The following PEX6 variants were observed in gnomAD, a reference collection of about 807,000 sequenced individuals.
The protein encoded by PEX6 is peroxisomal biogenesis factor 6.
Under a neutral mutation model 85.6 loss-of-function variants are expected in PEX6, and 55 were observed. The ratio of observed to expected loss-of-function variants is 0.64; its 90% CI spans 0.52 to 0.80. The LOEUF is 0.80. PEX6 is among the 30% of genes least tolerant of loss of function. The pLI is 0.00. For synonymous variants in PEX6, 519 were observed against 549.1 expected (o/e 0.95, Z 0.77); for missense variants, 1,099 against 1,260.3 (o/e 0.87, Z 1.94).
At position 42,969,840 on chromosome 6, in the gene PEX6, G is replaced by A. The variant is rs368551544; in HGVS notation, c.1234-39C>T. The A allele has an allele frequency of 2.7e-5, 43 of 1,614,022 alleles. No individual in the cohort carries two copies. The African/African-American group carries it at 3.5e-4, about 13-fold the overall frequency. On this transcript the variant is annotated intron_variant, in intron 4 of 16. Coordinates refer to ENST00000304611, the MANE Select transcript of PEX6 (RefSeq NM_000287.4). ...TAAAAAGCTTTCGTTTCTAAAAATC[G>A]TTTCTACCCCCTGCGCTGGTCTACA... is the stretch of plus-strand genomic sequence containing the variant.
Position 42,964,327 on chromosome 6 carries a change from G to C in PEX6, c.*8C>G. 1 of 1,613,460 alleles carries C rather than the reference G, an allele frequency of 6.2e-7. No homozygotes were observed. Among genetic ancestry groups the C allele is most frequent in the Non-Finnish European group, 8.5e-7 (1 of 1,179,920 alleles). On this transcript the variant is annotated 3_prime_UTR_variant, in exon 17 of 17. Transcript: ENST00000304611. The surrounding 1 kb of genome is among the most constrained non-coding windows in gnomAD (Gnocchi z 4.6). ...ATGCTGAGCGGGGTCCCAGACCCTG[G>C]GGGGCTCCTAGCAGGCAGCAAACTT...
At chr6:42,970,400 T>C (rs1447184533) in intron 3 of PEX6, among the ~76,000 whole-genome samples, 1 of 152,252 alleles carries the variant, frequency 6.6e-6, no homozygotes, top group Non-Finnish European at 1.5e-5. Flanking sequence ...TCTTACTCAA[T>C]AATCCACAAA....
Position 42,971,655 on chromosome 6 carries a change from C to T in PEX6, c.1131-1668G>A, listed in dbSNP as rs539736155. On this transcript the variant is annotated intron_variant, in intron 3 of 16. Transcript: ENST00000304611. The surrounding 1 kb of genome is among the most constrained non-coding windows in gnomAD (Gnocchi z 4.4). ...TTCTCAAGCCCAGTGCAGCTTAAAA[C>T]GCTCATCTGTATCTGTCCTTGGACC... is the stretch of plus-strand genomic sequence containing the variant. 3.9e-5 allele frequency among the ~76,000 whole-genome samples: 6 copies of T among 152,242 alleles called. No individual in the cohort carries two copies. Among genetic ancestry groups the T allele is most frequent in the Admixed American group, 1.3e-4 (2 of 15,280 alleles).
chr6:42,966,152 A>T, intron 11 of PEX6, 47 bp from the exon 12 acceptor site: 1 of 1,610,144 alleles, frequency 6.2e-7, no homozygotes. Context: ...ATGCACATAC[A>T]CACAATTGAC....
intron 1 of PEX6, among the ~76,000 whole-genome samples, chr6:42,977,783 A>AG (rs1770362116): frequency 6.7e-6 from 1 of 148,914 alleles, no homozygotes; most frequent in African/African-American, 2.5e-5. Flanking sequence ...AAAAAAAAAA[A>AG]AAAAAAAAAA....
intron 8 of PEX6, 148 bp from the exon 9 acceptor site, chr6:42,967,006 CTT>C (rs1769844692): frequency 3.2e-6 from 2 of 631,436 alleles, no homozygotes; most frequent in African/African-American, 4.8e-5. Context: ...GAGTTTTGCT[CTT>C]GTTGCTCAGG....
At position 42,978,830 on chromosome 6, in the gene PEX6, C is replaced by T; in HGVS notation, c.321G>A (p.Leu107=). The change falls in exon 1 of 17, where the codon CTG becomes CTA. Residue 107 remains leucine (L), a synonymous_variant. Transcript: ENST00000304611. ...GCCCAGGCCCCAGCGAGGTGCCAAG[C>T]AGTGCCCAACCTAGCGCCGGGGGCC... ...VRRPPALGWA[L]LGTSLGPGLG... The T allele has an allele frequency of 6.5e-7, 1 of 1,532,176 alleles. No homozygotes were observed. Among genetic ancestry groups the T allele is most frequent in the Non-Finnish European group, 8.7e-7 (1 of 1,145,714 alleles). The allele number at this position is 1,532,176 out of a possible 1,614,324, so 94.9% of individuals were successfully genotyped here.
intron 6 of PEX6, among the ~76,000 whole-genome samples, 169 bp downstream of exon 6, chr6:42,968,705 G>C (rs1769939161): frequency 1.3e-5 from 2 of 152,170 alleles, no homozygotes; most frequent in Admixed American, 6.5e-5. Context: ...CCTCCTCCTT[G>C]AAAGTACCTC....
chr6:42,974,161 C>A (rs960945475), intron 2 of PEX6, 75 bp from the exon 3 acceptor site: 6 of 1,105,702 alleles, frequency 5.4e-6, no homozygotes, highest in Non-Finnish European at 8.3e-6. Context: ...ATGTCCACCC[C>A]CGACATGCAG....
At position 42,964,384 on chromosome 6, in the gene PEX6, T is replaced by C; in HGVS notation, c.2894A>G (p.Gln965Arg). The C allele has an allele frequency of 6.2e-7, 1 of 1,613,876 alleles. No individual in the cohort carries two copies. Among genetic ancestry groups the C allele is most frequent in the Non-Finnish European group, 8.5e-7 (1 of 1,180,026 alleles). The change falls in exon 17 of 17, where the codon CAG becomes CGG. Residue 965 changes from glutamine to arginine, a missense_variant. Gln to Arg is a conservative substitution (Grantham distance 43). Transcript: ENST00000304611. The surrounding 1 kb of genome is among the most constrained non-coding windows in gnomAD (Gnocchi z 4.6). ...GATGCGCTTGTACCGGAGCAGCTCCTGCTCACTGACTGAGGGTTGCAGCCG... is the reference window on the plus strand; with the variant it reads ...GATGCGCTTGTACCGGAGCAGCTCCCGCTCACTGACTGAGGGTTGCAGCCG... Reference protein sequence around the residue: ...AARLQPSVSEQELLRYKRIQR... With the variant: ...AARLQPSVSERELLRYKRIQR...
intron 1 of PEX6, among the ~76,000 whole-genome samples, chr6:42,976,964 T>C (rs1250909436): frequency 6.6e-6 from 1 of 152,046 alleles, no homozygotes; most frequent in African/African-American, 2.4e-5. Flanking sequence ...ATAAATGCCA[T>C]AAAAAAGATA....
rs544245467 is a variant in PEX6 at position 42,976,708 on chromosome 6, T to C, written c.882+1561A>G. 3.9e-5 allele frequency among the ~76,000 whole-genome samples: 6 copies of C among 152,238 alleles called. No homozygotes were observed. In the South Asian group the frequency reaches 1.0e-3, roughly 26 times the overall value. On this transcript the variant is annotated intron_variant, in intron 1 of 16. Coordinates refer to ENST00000304611, the MANE Select transcript of PEX6 (RefSeq NM_000287.4). ...AAGGTTTATTTTTTTGTCACTCTTA[T>C]GTCTGTTATGGCGAACTGGTGAGTC...
Position 42,965,979 on chromosome 6 carries a change from G to C in PEX6, c.2362+65C>G. On this transcript the variant is annotated intron_variant, in intron 12 of 16. Coordinates refer to ENST00000304611, the MANE Select transcript of PEX6 (RefSeq NM_000287.4). The surrounding 1 kb of genome is among the most constrained non-coding windows in gnomAD (Gnocchi z 5.0). ...TGATCATGAGTAGCCTGGGAGTAGG[G>C]GGTGGCTTGGGGGCCATCGGGGTTT... The C allele has an allele frequency of 6.5e-7, 1 of 1,533,096 alleles. No homozygotes were observed. The highest frequency in any genetic ancestry group is 9.0e-7 in the Non-Finnish European group (1 of 1,107,894). The allele number at this position is 1,533,096 out of a possible 1,614,324, so 95.0% of individuals were successfully genotyped here. A position where few individuals can be genotyped will look rare whatever the true frequency, so the allele number is the denominator to read the frequency against.
In PEX6 at chr6:42,979,071, C is replaced by G. The variant is rs983060034; in HGVS notation, c.80G>C (p.Gly27Ala). ...PPLAVLLPPG[G>A]PWPAAELGLV... The stretch of plus-strand genomic sequence containing the variant: ...GCCCAGCTCCGCCGCCGGCCACGGG[C>G]CCCCGGGTGGCAGCAGCACTGCCAA... Residue 27 changes from glycine to alanine, a missense_variant, in exon 1 of 17, where the codon GGC becomes GCC. Around this residue, in one of 3 missense-constraint regions of PEX6, gnomAD observed 579 missense variants for 611.6 expected, o/e 0.95. Coordinates refer to ENST00000304611, the MANE Select transcript of PEX6 (RefSeq NM_000287.4). 6.5e-7 allele frequency: 1 copy of G among 1,540,228 alleles called. No individual in the cohort carries two copies. The highest frequency in any genetic ancestry group is 8.7e-7 in the Non-Finnish European group (1 of 1,150,594).
chr6:42,973,726 C>A (rs945224161), intron 3 of PEX6, among the ~76,000 whole-genome samples: 1 of 152,040 alleles, frequency 6.6e-6, no homozygotes, highest in Non-Finnish European at 1.5e-5. Context: ...CGTGGTGATG[C>A]GAACCTGTAG....
In PEX6 at chr6:42,964,535, G is replaced by A; in HGVS notation, c.2807-64C>T. On this transcript the variant is annotated intron_variant, in intron 16 of 16. Transcript: ENST00000304611. The surrounding 1 kb of genome is among the most constrained non-coding windows in gnomAD (Gnocchi z 4.6). ...AGGCAGGGGAGAGCCCTGCGAAGGT[G>A]GCTTCCTGCTCAGGGTCTCCTAGAT... 3 of 1,588,272 alleles carry A rather than the reference G, an allele frequency of 1.9e-6. No homozygotes were observed. Among genetic ancestry groups the A allele is most frequent in the Non-Finnish European group, 1.7e-6 (2 of 1,159,222 alleles).
Position 42,966,367 on chromosome 6 carries a change from C to T in PEX6, c.2175G>A (p.Leu725=). ...CCAGGCTCAGTAGCTCAGGGTGCTC[C>T]AGGGGGAGCTGAATGGTCTCCAGGA... is the stretch of plus-strand genomic sequence containing the variant. ...KEILETIQLP[L]EHPELLSLGL... is the part of the protein sequence containing the mutation. The change falls in exon 11 of 17, where the codon CTG becomes CTA. Residue 725 remains leucine, a synonymous_variant. Transcript: ENST00000304611. The T allele has an allele frequency of 6.2e-7, 1 of 1,614,046 alleles. No individual in the cohort carries two copies. The highest frequency in any genetic ancestry group is 1.3e-5 in the African/African-American group (1 of 75,038).
chr6:42,973,554 C>CA, intron 3 of PEX6, among the ~76,000 whole-genome samples: 2 of 151,988 alleles, frequency 1.3e-5, no homozygotes, highest in South Asian at 2.1e-4. Flanking sequence ...ATTTTCTCTC[C>CA]AAAAAAATGT....
In PEX6 at chr6:42,967,442, T is replaced by C. The variant is rs370855809; in HGVS notation, c.1810A>G (p.Ile604Val). Residue 604 changes from isoleucine (I) to valine (V), a missense_variant, in exon 8 of 17, where the codon ATC becomes GTC. Around this residue, in one of 3 missense-constraint regions of PEX6, gnomAD observed 514 missense variants for 627.0 expected, o/e 0.82. Coordinates refer to ENST00000304611, the MANE Select transcript of PEX6 (RefSeq NM_000287.4). ...PALSEGQRLS[I>V]LRALTAHLPL... ...AGGTGGGCAGTGAGGGCCCGCAGGA[T>C]GCTGAGCCGCTGCCCCTCTGACAGA... 13 of 1,613,100 alleles carry C rather than the reference T, an allele frequency of 8.1e-6. 1 individual carries two copies. The highest frequency in any genetic ancestry group is 3.3e-4 in the Middle Eastern group (2 of 6,054).
Sources: allele counts gnomAD v4.1 joint callset (sites outside exome capture counted in the v4.1 genomes callset), GRCh38; gene constraint gnomAD v4.1.1; regional missense constraint gnomAD v4.1.1; non-coding constraint Gnocchi (gnomAD v3.1); transcripts MANE v1.5; gene names NCBI Gene and HGNC (gene_info 2026-07-23, HGNC 2026-07-21).